The following ZNF568 variants were observed in gnomAD, a reference collection of about 807,000 sequenced individuals.
ZNF568 encodes zinc finger protein 568, also known as p53 inhibitor of SCO2 activation.
Under a neutral mutation model 18.1 loss-of-function variants are expected in ZNF568, and 11 were observed. That is an observed-to-expected ratio of 0.61 (90% CI 0.38 to 1.00). The LOEUF (loss-of-function observed/expected upper bound fraction) is 1.00, where lower values mean the gene tolerates loss of function less well. ZNF568 is among the 50% of genes least tolerant of loss of function. ZNF568 has a pLI of 0.01. For missense variants in ZNF568, 639 were observed against 768.2 expected (o/e 0.83, Z 1.99); for synonymous variants, 213 against 246.6 (o/e 0.86, Z 1.28).
At chr19:36,934,603 G>C (rs1006758464) in intron 4 of ZNF568, among the ~76,000 whole-genome samples, 1 of 152,044 alleles carries the variant, frequency 6.6e-6, no homozygotes, top group Non-Finnish European at 1.5e-5. Context: ...TTATGGGCAC[G>C]CCCAGCCCTC....
In ZNF568 at chr19:36,933,910, TG is replaced by T. The variant is rs748159868; in HGVS notation, c.136-2835del. On this transcript the variant is annotated intron_variant, in intron 4 of 6. Coordinates refer to ENST00000333987, the MANE Select transcript of ZNF568 (RefSeq NM_198539.4). Reference sequence around the variant, plus strand: ...TTTCTTTTGGGTAGGTTTTTTTTTTTGTTTTGTTTTTTTGTTTTTTTTTTTT... The same window carrying T: ...TTTCTTTTGGGTAGGTTTTTTTTTTTTTTTGTTTTTTTGTTTTTTTTTTTT... Among the ~76,000 whole-genome samples the T allele has an allele frequency of 9.1e-3, 379 of 41,760 alleles. 22 individuals carry two copies. Among genetic ancestry groups the T allele is most frequent in the Admixed American group, 0.032 (125 of 3,936 alleles). The allele number at this position is 41,760 out of a possible 152,430, so 27.4% of individuals were successfully genotyped here. A position where few individuals can be genotyped will look rare whatever the true frequency, so the allele number is the denominator to read the frequency against.
chr19:36,950,827 C>T lies in ZNF568; in HGVS notation c.1674C>T (p.Phe558=), dbSNP rs1401551864. Residue 558 remains phenylalanine, a synonymous_variant, in exon 7 of 7, where the codon TTC becomes TTT. Coordinates refer to ENST00000333987, the MANE Select transcript of ZNF568 (RefSeq NM_198539.4). ...HEKIHTGEKP[F]KCNECGKAFS... is the part of the protein sequence containing the mutation. ...AAATTCATACTGGAGAGAAACCATT[C>T]AAATGTAATGAATGTGGTAAAGCCT... The T allele has an allele frequency of 6.2e-7, 1 of 1,613,408 alleles. No homozygotes were observed. The highest frequency in any genetic ancestry group is 1.3e-5 in the African/African-American group (1 of 74,850).
rs1445714205 is a variant in ZNF568 at position 36,921,630 on chromosome 19, TA to T, written c.-185-955del. On this transcript the variant is annotated intron_variant, in intron 2 of 6. Coordinates refer to ENST00000333987, the MANE Select transcript of ZNF568 (RefSeq NM_198539.4). ...AAAAATTAGTCTATTTTGTTACATA[TA>T]TTTTTTTTTTACCCTTTACCTAATA... is the stretch of plus-strand genomic sequence containing the variant. Among the ~76,000 whole-genome samples, 13 of 151,882 alleles carry T rather than the reference TA, an allele frequency of 8.6e-5. No individual in the cohort carries two copies. The East Asian group carries it at 1.9e-3, about 23-fold the overall frequency.
At chr19:36,922,551 C>T (rs1260421926) in intron 2 of ZNF568, 35 bp from the exon 3 acceptor site, 1 of 407,002 alleles carries the variant, frequency 2.5e-6, no homozygotes, top group East Asian at 3.8e-5. Context: ...AGTGAGAAGG[C>T]ACCAGGTAAA....
Position 36,994,896 on chromosome 19 carries a change from G to A in ZNF568, c.230-1421G>A, listed in dbSNP as rs150374312. Reference sequence around the variant, plus strand: ...TGAACTCCTGACCTCGAGATCTGCCGGCCTCAGCCTCCCAAAGTTCTGGGA... The same window carrying A: ...TGAACTCCTGACCTCGAGATCTGCCAGCCTCAGCCTCCCAAAGTTCTGGGA... On this transcript the variant is annotated intron_variant, in intron 4 of 4. Transcript: ENST00000433993. Among the ~76,000 whole-genome samples the A allele has an allele frequency of 2.7e-3, 409 of 151,814 alleles. 2 individuals carry two copies. Among genetic ancestry groups the A allele is most frequent in the Non-Finnish European group, 4.6e-3 (311 of 67,920 alleles).
chr19:36,987,118 CT>C (rs1190978878), intron 2 of ZNF568, among the ~76,000 whole-genome samples: 1 of 152,164 alleles, frequency 6.6e-6, no homozygotes, highest in Non-Finnish European at 1.5e-5. Context: ...ACTTAAAGTG[CT>C]TAAAGAACAA....
chr19:36,975,681 C>CTTTTTTTTTTTTTTTTTTTTTTTTTT (rs1193440344), intron 7 of ZNF568, among the ~76,000 whole-genome samples: 2 of 75,802 alleles, frequency 2.6e-5, no homozygotes, highest in Non-Finnish European at 4.7e-5. Flanking sequence ...CGCGCCAAGA[C>CTTTTTTTTTTTTTTTTTTTTTTTTTT]TTTTTTTTTT....
chr19:36,947,570 A>AT (rs1375780001), intron 6 of ZNF568, among the ~76,000 whole-genome samples: 2 of 152,164 alleles, frequency 1.3e-5, no homozygotes, highest in Admixed American at 6.5e-5. Flanking sequence ...ACTGGAATAC[A>AT]TGTTACTTAA....
At chr19:36,991,900 A>T (rs1234739563) in intron 4 of ZNF568, 1 of 1,421,498 alleles carries the variant, frequency 7.0e-7, no homozygotes, top group Non-Finnish European at 9.5e-7. Flanking sequence ...CACTTAGCTC[A>T]TCTGTGAGAA....
chr19:36,990,529 C>T (rs2074414410), intron 2 of ZNF568, among the ~76,000 whole-genome samples: 2 of 152,142 alleles, frequency 1.3e-5, no homozygotes, highest in Admixed American at 6.6e-5. Flanking sequence ...GCAGGAGAAT[C>T]GCTTGAACCT....
chr19:36,921,921 C>A (rs535555724), intron 2 of ZNF568, among the ~76,000 whole-genome samples: 1 of 152,126 alleles, frequency 6.6e-6, no homozygotes, highest in Non-Finnish European at 1.5e-5. Flanking sequence ...GTCACCTCAT[C>A]GAGCATACAC....
chr19:36,930,632 C>T (rs896792361), intron 4 of ZNF568, among the ~76,000 whole-genome samples: 1 of 152,144 alleles, frequency 6.6e-6, no homozygotes, highest in Admixed American at 6.5e-5. Context: ...TTTCCCCTAT[C>T]TTTGTTGTGG....
intron 7 of ZNF568, among the ~76,000 whole-genome samples, chr19:36,977,659 C>T (rs945644280): frequency 6.6e-6 from 1 of 152,190 alleles, no homozygotes; most frequent in Non-Finnish European, 1.5e-5. Flanking sequence ...ACACCCTCCC[C>T]GTCCATGCCC....
chr19:36,955,154 G>A (rs1022594933), downstream of ZNF568, among the ~76,000 whole-genome samples: 6 of 151,606 alleles, frequency 4.0e-5, no homozygotes, highest in African/African-American at 7.3e-5. Context: ...TTCGCATTTC[G>A]TGTATCCACA....
In ZNF568 at chr19:36,924,995, C is replaced by G. The variant is rs1429030067; in HGVS notation, c.77-205C>G. ...TTCATTGGGCACTGCATACTTAGCCCTCCATAAATCCCCATCAGACCCCAT... is the reference window on the plus strand; with the variant it reads ...TTCATTGGGCACTGCATACTTAGCCGTCCATAAATCCCCATCAGACCCCAT... On this transcript the variant is annotated intron_variant, in intron 3 of 6. Transcript: ENST00000333987. 2.6e-5 allele frequency among the ~76,000 whole-genome samples: 4 copies of G among 152,058 alleles called. No individual in the cohort carries two copies. The East Asian group carries it at 7.7e-4, about 29-fold the overall frequency.
At chr19:36,991,798 A>C (rs1342277159) in exon 4 of ZNF568, 10 of 1,581,750 alleles carry the variant, frequency 6.3e-6, no homozygotes, top group Non-Finnish European at 8.5e-6. Flanking sequence ...GGAGCAGAAG[A>C]AAGAGCCCTG....
chr19:36,969,505 A>AG (rs1308863709), intron 6 of ZNF568, among the ~76,000 whole-genome samples: 1 of 152,134 alleles, frequency 6.6e-6, no homozygotes, highest in African/African-American at 2.4e-5. Flanking sequence ...CTAGATACTG[A>AG]GGTCAGAAGT....
Position 36,950,957 on chromosome 19 carries a change from A to C in ZNF568, c.1804A>C (p.Ile602Leu). The part of the protein sequence containing the change: ...GKAFSQCSLL[I>L]IHMRSHTGEK... The stretch of plus-strand genomic sequence containing the variant: ...AGCCTTTTCTCAGTGCTCATTACTT[A>C]TTATACATATGAGAAGTCATACTGG... The change falls in exon 7 of 7, where the codon ATT (isoleucine) becomes CTT (leucine). Residue 602 changes from isoleucine to leucine, a missense_variant. Physicochemically the swap from Ile to Leu is conservative, Grantham distance 5. Coordinates refer to ENST00000333987, the MANE Select transcript of ZNF568 (RefSeq NM_198539.4). 6.2e-7 allele frequency: 1 copy of C among 1,613,848 alleles called. No individual in the cohort carries two copies. The highest frequency in any genetic ancestry group is 8.5e-7 in the Non-Finnish European group (1 of 1,179,922).
rs139685094 is a variant in ZNF568, at chr19:36,988,134, T to G, written c.10-3042T>G. ...TTTTTAAATTTTTTATTTTTATTTT[T>G]GTAGAGATGGGGTCCTGCTATGTTG... On this transcript the variant is annotated intron_variant, in intron 2 of 4. Transcript: ENST00000433993. 4.0e-3 allele frequency among the ~76,000 whole-genome samples: 605 copies of G among 152,162 alleles called. 5 individuals are homozygous for G. Among genetic ancestry groups the G allele is most frequent in the African/African-American group, 0.014 (577 of 41,512 alleles).
Sources: gnomAD v4.1 joint callset for allele counts (sites outside exome capture counted in the v4.1 genomes callset) on GRCh38, gnomAD v4.1.1 for gene constraint, MANE v1.5 for transcripts, NCBI Gene and HGNC (gene_info 2026-07-23, HGNC 2026-07-21) for gene names.